Variants in SLC2A14 observed in about 807,000 individuals in gnomAD.
SLC2A14 encodes solute carrier family 2, facilitated glucose transporter member 14.
A neutral mutation model predicts 43.0 loss-of-function variants in SLC2A14; 13 were observed. That is an observed-to-expected ratio of 0.30 (90% CI 0.20 to 0.48). The LOEUF (loss-of-function observed/expected upper bound fraction) is 0.48. Among genes scored for constraint, SLC2A14 ranks in the 20% least tolerant of loss-of-function variants. The pLI, the probability that SLC2A14 is intolerant of heterozygous loss-of-function variation, is 0.99. For synonymous variants in SLC2A14, 190 were observed against 233.8 expected (o/e 0.81, Z 1.71); for missense variants, 428 against 620.4 (o/e 0.69, Z 3.29).
chr12:7,842,401 T>C lies in SLC2A14; in HGVS notation c.19-9587A>G, dbSNP rs144862927. 4.9e-3 allele frequency among the ~76,000 whole-genome samples: 749 copies of C among 152,312 alleles called. 7 individuals are homozygous for C. Among genetic ancestry groups the C allele is most frequent in the African/African-American group, 0.017 (704 of 41,576 alleles). On this transcript the variant is annotated intron_variant, in intron 2 of 10. Coordinates refer to ENST00000431042, the MANE Select transcript of SLC2A14 (RefSeq NM_001286234.2). Reference sequence around the variant, plus strand: ...TTTATGTAAGTACCAAGGAGGGTGATTGCAGGATCACAGACAAGGGTTTTA... The same window carrying C: ...TTTATGTAAGTACCAAGGAGGGTGACTGCAGGATCACAGACAAGGGTTTTA...
At chr12:7,840,419 G>A (rs1028547861) in intron 2 of SLC2A14, among the ~76,000 whole-genome samples, 3 of 151,756 alleles carry the variant, frequency 2.0e-5, no homozygotes, top group African/African-American at 7.3e-5. Context: ...CGCTCTTGTC[G>A]CCTAGTCTGG....
intron 1 of SLC2A14, chr12:7,871,047 C>A (rs570663599): frequency 4.2e-6 from 6 of 1,416,878 alleles, no homozygotes; most frequent in Non-Finnish European, 5.7e-6. Context: ...CGCGGAAGAA[C>A]CCCATGGATG....
At chr12:7,833,149 GGGAGGAAAGA>G (rs979234117) in intron 2 of SLC2A14, among the ~76,000 whole-genome samples, 2 of 152,148 alleles carry the variant, frequency 1.3e-5, no homozygotes, top group Non-Finnish European at 2.9e-5. Flanking sequence ...CTCACGAACT[GGGAGGAAAGA>G]GGACAACACA....
chr12:7,836,708 C>T (rs1441891559), intron 2 of SLC2A14, among the ~76,000 whole-genome samples: 5 of 152,108 alleles, frequency 3.3e-5, no homozygotes, highest in African/African-American at 7.2e-5. Context: ...TGGTGGCACA[C>T]GCCTGTAATC....
chr12:7,814,328 G>C lies in SLC2A14; in HGVS notation c.1482C>G (p.Thr494=). Reference sequence around the variant, plus strand: ...AAGGAGGCATGACTTAGACATTGGTGGTGGTCTCCTTAGCAGGCTCGATGC... The same window carrying C: ...AAGGAGGCATGACTTAGACATTGGTCGTGGTCTCCTTAGCAGGCTCGATGC... The part of the protein sequence containing the change: ...MNSIEPAKET[T]TNV Residue 494 remains threonine (T), a synonymous_variant, in exon 11 of 11, where the codon ACC becomes ACG. Coordinates refer to ENST00000431042, the MANE Select transcript of SLC2A14 (RefSeq NM_001286234.2). The C allele has an allele frequency of 6.2e-7, 1 of 1,605,402 alleles. No individual in the cohort carries two copies. The highest frequency in any genetic ancestry group is 1.7e-5 in the Admixed American group (1 of 58,332).
intron 1 of SLC2A14, chr12:7,871,038 GC>G: frequency 7.0e-7 from 1 of 1,424,122 alleles, no homozygotes; most frequent in Non-Finnish European, 9.4e-7. Flanking sequence ...TGGCTTCACC[GC>G]GGAAGAACCC....
chr12:7,874,780 A>AATAC (rs1945392886), upstream of SLC2A14, among the ~76,000 whole-genome samples: 6 of 4,556 alleles, frequency 1.3e-3, no homozygotes, highest in African/African-American at 2.3e-3. Context: ...AACATATATA[A>AATAC]ATATATAAAT....
upstream of SLC2A14, among the ~76,000 whole-genome samples, chr12:7,876,303 A>AAAAAAAAAAAAAAAAG (rs1555149216): frequency 4.5e-5 from 6 of 133,754 alleles, no homozygotes; most frequent in African/African-American, 1.7e-4. Context: ...AAAAAAAAAA[A>AAAAAAAAAAAAAAAAG]AGAGAGACAA....
Position 7,829,206 on chromosome 12 carries a change from C to T in SLC2A14, c.514-340G>A, listed in dbSNP as rs112351630. Among the ~76,000 whole-genome samples the T allele has an allele frequency of 3.0e-3, 463 of 151,884 alleles. 3 individuals are homozygous for T. The highest frequency in any genetic ancestry group is 0.011 in the African/African-American group (440 of 41,386). On this transcript the variant is annotated intron_variant, in intron 5 of 10. Transcript: ENST00000431042. ...CAGACTGGGCGACAGAGTGAGACTC[C>T]GTCTCAGAAACAAAACAAAACAAAA...
upstream of SLC2A14, among the ~76,000 whole-genome samples, chr12:7,874,956 A>ACG (rs1565585282): frequency 1.7e-4 from 3 of 17,812 alleles, no homozygotes; most frequent in African/African-American, 5.1e-4. Context: ...AAATATATTT[A>ACG]TATATAAATT....
intron 2 of SLC2A14, among the ~76,000 whole-genome samples, chr12:7,861,677 A>C (rs1391972161): frequency 6.6e-6 from 1 of 152,072 alleles, no homozygotes; most frequent in African/African-American, 2.4e-5. Flanking sequence ...ACTGAAAAAA[A>C]ACAGGCCATG....
chr12:7,846,478 C>A lies in SLC2A14; in HGVS notation c.19-13664G>T, dbSNP rs370667577. On this transcript the variant is annotated intron_variant, in intron 2 of 10. Coordinates refer to ENST00000431042, the MANE Select transcript of SLC2A14 (RefSeq NM_001286234.2). ...GGTCCTAAATAAGAGTGGATAATAT[C>A]ATTTCATGTTGGTTTTTTTCTTTAT... Among the ~76,000 whole-genome samples the A allele has an allele frequency of 2.0e-5, 3 of 150,946 alleles. No individual in the cohort carries two copies. In the East Asian group the frequency reaches 5.8e-4, roughly 29 times the overall value.
chr12:7,862,473 C>A (rs1412551139), intron 2 of SLC2A14, among the ~76,000 whole-genome samples: 4 of 152,094 alleles, frequency 2.6e-5, no homozygotes, highest in African/African-American at 7.2e-5. Flanking sequence ...TTCCCACCCC[C>A]TCTGTGGCCT....
rs138380757 is a variant in SLC2A14 at position 7,884,166 on chromosome 12, C to T, written c.132+6830G>A. ...TCTTGATCTGACCTCGTGATCTGCC[C>T]GCCTCAGCCTCCCAAAGTGCTGGGA... On this transcript the variant is annotated intron_variant, in intron 1 of 9. Coordinates refer to the SLC2A14 transcript ENST00000539924. Among the ~76,000 whole-genome samples, 176 of 148,928 alleles carry T rather than the reference C, an allele frequency of 1.2e-3. 1 individual carries two copies. The highest frequency in any genetic ancestry group is 9.0e-3 in the East Asian group (44 of 4,904).
intron 2 of SLC2A14, among the ~76,000 whole-genome samples, chr12:7,858,831 C>T (rs924866995): frequency 8.6e-5 from 13 of 152,038 alleles, no homozygotes; most frequent in African/African-American, 3.1e-4. Context: ...ATCCAATATA[C>T]CCAGTTTTTC....
chr12:7,824,636 G>A (rs1253746696), intron 7 of SLC2A14, among the ~76,000 whole-genome samples: 1 of 151,242 alleles, frequency 6.6e-6, no homozygotes, highest in Non-Finnish European at 1.5e-5. Context: ...AGAAGGCTGA[G>A]GCAGGAGAAT....
At chr12:7,872,970 A>C, upstream of SLC2A14, 1 of 985,436 alleles carries the variant, frequency 1.0e-6, no homozygotes, top group Non-Finnish European at 1.2e-6. Flanking sequence ...TGGTTACAAA[A>C]CGTGACTCGG....
rs1177179795 is a variant in SLC2A14 at position 7,863,263 on chromosome 12, G to A, written c.18+6600C>T. ...GGCGGAAGTCTGCAGCTTCACTCCT[G>A]AGCCAGCAAGACCACGAACCCACCA... On this transcript the variant is annotated intron_variant, in intron 2 of 10. Transcript: ENST00000431042. The A allele has an allele frequency of 3.6e-5, 14 of 394,040 alleles. No homozygotes were observed. In the East Asian group the frequency reaches 4.2e-4, roughly 12 times the overall value. The allele number at this position is 394,040 out of a possible 1,614,324, so 24.4% of individuals were successfully genotyped here.
chr12:7,843,896 G>GAAA (rs200408193), intron 2 of SLC2A14, among the ~76,000 whole-genome samples: 2 of 148,734 alleles, frequency 1.3e-5, no homozygotes, highest in Non-Finnish European at 3.0e-5. Context: ...AACATTTCAA[G>GAAA]AAAAAAACAC....
Sources: allele counts gnomAD v4.1 joint callset (sites outside exome capture counted in the v4.1 genomes callset), GRCh38; gene constraint gnomAD v4.1.1; transcripts MANE v1.5; gene names NCBI Gene and HGNC (gene_info 2026-07-23, HGNC 2026-07-21).